The following SGCD variants were observed in gnomAD, a reference collection of about 807,000 sequenced individuals.
SGCD encodes the protein sarcoglycan delta, also known as delta-sarcoglycan.
In SGCD, 18 loss-of-function variants were observed where a neutral mutation model predicts 36.6. The ratio of observed to expected loss-of-function variants is 0.49; its 90% CI spans 0.34 to 0.73. The LOEUF (loss-of-function observed/expected upper bound fraction) is 0.73, where lower values mean the gene tolerates loss of function less well. Ranked by LOEUF, SGCD falls within the 30% of genes least tolerant of loss-of-function variation. The pLI is 0.01. For missense variants in SGCD, 387 were observed against 346.7 expected (o/e 1.12, Z -0.92); for synonymous variants, 133 against 130.6 (o/e 1.02, Z -0.12).
At chr5:156,224,199 C>T (rs1764790208) in intron 3 of SGCD, among the ~76,000 whole-genome samples, 1 of 151,904 alleles carries the variant, frequency 6.6e-6, no homozygotes, top group Non-Finnish European at 1.5e-5. Flanking sequence ...AGAGCCTTGA[C>T]CATGGTTACA....
intron 6 of SGCD, among the ~76,000 whole-genome samples, chr5:156,623,258 G>T (rs1335071214): frequency 6.6e-6 from 1 of 152,102 alleles, no homozygotes; most frequent in Non-Finnish European, 1.5e-5. Flanking sequence ...TAAGGCAATG[G>T]GGATGCATTG....
At chr5:155,732,816 A>T in the SGCD span, among the ~76,000 whole-genome samples, 1 of 152,136 alleles carries the variant, frequency 6.6e-6, no homozygotes, top group African/African-American at 2.4e-5. Context: ...CCGGATTCCA[A>T]CACTGGATCC....
chr5:156,336,318 C>T (rs1289872059), intron 2 of SGCD, among the ~76,000 whole-genome samples: 2 of 152,168 alleles, frequency 1.3e-5, no homozygotes, highest in Non-Finnish European at 2.9e-5. Flanking sequence ...CAGGCTTAAC[C>T]ATCTCTTAAA....
intron 1 of SGCD, among the ~76,000 whole-genome samples, chr5:156,046,506 T>C (rs1759768506): frequency 6.6e-6 from 1 of 152,212 alleles, no homozygotes; most frequent in South Asian, 2.1e-4. Context: ...TTTGTGTCTC[T>C]GGGTCACATT....
intron 3 of SGCD, among the ~76,000 whole-genome samples, chr5:156,211,392 G>T (rs1764437763): frequency 6.6e-6 from 1 of 152,102 alleles, no homozygotes; most frequent in Admixed American, 6.5e-5. Context: ...CGGATCACGT[G>T]GTCAGGAGAT....
Position 156,050,607 on chromosome 5 carries a change from A to G in SGCD, c.-281-67271A>G, listed in dbSNP as rs574661955. 6.1e-5 allele frequency among the ~76,000 whole-genome samples: 9 copies of G among 146,522 alleles called. 1 individual carries two copies. The highest frequency in any genetic ancestry group is 4.1e-4 in the Admixed American group (6 of 14,688). On this transcript the variant is annotated intron_variant, in intron 1 of 9. Coordinates refer to the SGCD transcript ENST00000517913. ...CTTTAACCATAAACCATAGTTTCCT[A>G]TGGCTGCTGTGGTAAAGCACCACAA...
chr5:156,393,970 G>A (rs1272986208), intron 3 of SGCD: 2 of 371,986 alleles, frequency 5.4e-6, no homozygotes, highest in Non-Finnish European at 1.1e-5. Context: ...CACATTCTAA[G>A]CAGTAAAAGA....
chr5:155,897,671 A>T lies in SGCD; in HGVS notation c.-282+27247A>T, dbSNP rs867681828. On this transcript the variant is annotated intron_variant, in intron 1 of 9. Coordinates refer to the SGCD transcript ENST00000517913. ...TTTTTTCCTATTTCTAAAATTTTTA[A>T]TTTTTTTTTTACTTTTTAAACTTTT... Among the ~76,000 whole-genome samples the T allele has an allele frequency of 1.9e-4, 28 of 150,258 alleles. No individual in the cohort carries two copies. In the Middle Eastern group the frequency reaches 0.01, roughly 55 times the overall value.
At chr5:155,772,198 C>A in the SGCD span, among the ~76,000 whole-genome samples, 12 of 152,230 alleles carry the variant, frequency 7.9e-5, no homozygotes, top group East Asian at 1.9e-3. Flanking sequence ...AAAGGGGGAG[C>A]AATTCACTCT....
intron 1 of SGCD, among the ~76,000 whole-genome samples, chr5:156,029,668 A>G (rs1435206065): frequency 6.6e-6 from 1 of 152,160 alleles, no homozygotes; most frequent in Non-Finnish European, 1.5e-5. Context: ...TAGAGAAGAG[A>G]CCAAACAATG....
At chr5:156,223,205 T>G (rs1021528186) in intron 3 of SGCD, among the ~76,000 whole-genome samples, 2 of 152,084 alleles carry the variant, frequency 1.3e-5, no homozygotes, top group African/African-American at 4.8e-5. Flanking sequence ...GACTTCTGAC[T>G]CTTTGAATTG....
In SGCD at chr5:155,898,872, A is replaced by T. The variant is rs145384515; in HGVS notation, c.-282+28448A>T. ...GGAAAGTGACTCCTAGATGCTGCTA[A>T]CCAGGTATCTCTTATGTTTCCCTGG... On this transcript the variant is annotated intron_variant, in intron 1 of 9. Coordinates refer to the SGCD transcript ENST00000517913. Among the ~76,000 whole-genome samples the T allele has an allele frequency of 3.3e-5, 5 of 152,314 alleles. No individual in the cohort carries two copies. In the East Asian group the frequency reaches 9.6e-4, roughly 29 times the overall value.
chr5:156,407,398 T>C (rs1057330512), intron 3 of SGCD, among the ~76,000 whole-genome samples: 3 of 152,204 alleles, frequency 2.0e-5, no homozygotes, highest in African/African-American at 7.2e-5. Context: ...GAAGTAGCAT[T>C]CTTCCTTTCC....
chr5:156,289,904 A>C (rs180905809), intron 3 of SGCD, among the ~76,000 whole-genome samples: 54 of 152,204 alleles, frequency 3.5e-4, no homozygotes, highest in African/African-American at 1.3e-3. Flanking sequence ...CCCCATCTTT[A>C]TATATAGGTA....
At chr5:155,777,463 C>A in the SGCD span, among the ~76,000 whole-genome samples, 1 of 151,648 alleles carries the variant, frequency 6.6e-6, no homozygotes, top group Non-Finnish European at 1.5e-5. Context: ...CTCAAGCAGT[C>A]CTCCCACCTC....
At chr5:156,603,143 C>G (rs1432947887) in intron 6 of SGCD, among the ~76,000 whole-genome samples, 5 of 152,016 alleles carry the variant, frequency 3.3e-5, no homozygotes, top group Non-Finnish European at 7.4e-5. Context: ...TTCCCATTGT[C>G]TATTTCCTCA....
chr5:156,358,018 A>T (rs1769578381), intron 3 of SGCD, among the ~76,000 whole-genome samples: 1 of 152,218 alleles, frequency 6.6e-6, no homozygotes, highest in Non-Finnish European at 1.5e-5. Context: ...CCCTTAGCTA[A>T]TCATCCAGTT....
At chr5:156,173,446 GA>G (rs1398324527) in intron 3 of SGCD, among the ~76,000 whole-genome samples, 1 of 151,886 alleles carries the variant, frequency 6.6e-6, no homozygotes, top group Non-Finnish European at 1.5e-5. Context: ...AAAAATACAT[GA>G]AAGAAGTAAA....
rs111926857 is a variant in SGCD, at chr5:156,027,831, T to C, written c.-281-90047T>C. On this transcript the variant is annotated intron_variant, in intron 1 of 9. Coordinates refer to the SGCD transcript ENST00000517913. Reference sequence around the variant, plus strand: ...TTGTCATTAATAGTATGTGATATAATGTTAAGATTAAGGCACTGGCAAGTT... The same window carrying C: ...TTGTCATTAATAGTATGTGATATAACGTTAAGATTAAGGCACTGGCAAGTT... 6.2e-4 allele frequency among the ~76,000 whole-genome samples: 95 copies of C among 152,292 alleles called. 3 individuals carry two copies. The highest frequency in any genetic ancestry group is 2.0e-3 in the African/African-American group (84 of 41,560).
Sources: gnomAD v4.1 joint callset for allele counts (sites outside exome capture counted in the v4.1 genomes callset) on GRCh38, gnomAD v4.1.1 for gene constraint, MANE v1.5 for transcripts, NCBI Gene and HGNC (gene_info 2026-07-23, HGNC 2026-07-21) for gene names.